ASAP2: variants seen among roughly 807,000 people sequenced by gnomAD.
The protein encoded by ASAP2 is arf-GAP with SH3 domain, ANK repeat and PH domain-containing protein 2.
A neutral mutation model predicts 131.4 loss-of-function variants in ASAP2; 45 were observed. That is an observed-to-expected ratio of 0.34 (90% CI 0.27 to 0.44). The LOEUF is 0.44. Ranked by LOEUF, ASAP2 falls within the 20% of genes least tolerant of loss-of-function variation. The pLI is 1.00. For missense variants in ASAP2, 1,011 were observed against 1,297.0 expected (o/e 0.78, Z 3.39); for synonymous variants, 510 against 503.0 (o/e 1.01, Z -0.19).
intron 25 of ASAP2, 40 bp from the exon 26 acceptor site, chr2:9,400,702 T>C: frequency 6.5e-7 from 1 of 1,530,196 alleles, no homozygotes; most frequent in Non-Finnish European, 9.1e-7. Context: ...ATGGCTGTGA[T>C]TGATGGGATG....
chr2:9,379,934 G>C (rs1674697941), intron 19 of ASAP2, among the ~76,000 whole-genome samples: 1 of 150,774 alleles, frequency 6.6e-6, no homozygotes, highest in Non-Finnish European at 1.5e-5. Flanking sequence ...GGAGGTTGCA[G>C]TGAGCTGAGA....
At chr2:9,297,514 A>G in intron 3 of ASAP2, 69 bp downstream of exon 3, 2 of 1,565,884 alleles carry the variant, frequency 1.3e-6, no homozygotes, top group East Asian at 2.3e-5. Context: ...GAGGATAGTT[A>G]TGGTTTGTTT....
intron 24 of ASAP2, among the ~76,000 whole-genome samples, chr2:9,397,750 ATTTTTTTT>A (rs1172660637): frequency 2.0e-4 from 9 of 44,804 alleles, no homozygotes; most frequent in South Asian, 1.6e-3. Context: ...ATATATATAT[ATTTTTTTT>A]TTTTTTTTTT....
At chr2:9,290,275 T>C (rs1441565337) in intron 2 of ASAP2, among the ~76,000 whole-genome samples, 1 of 152,224 alleles carries the variant, frequency 6.6e-6, no homozygotes, top group African/African-American at 2.4e-5. Flanking sequence ...AGTGGCACGA[T>C]CTCGGCTCAC....
Position 9,323,154 on chromosome 2 carries a change from C to T in ASAP2, c.504C>T (p.Ala168=). 2 of 1,614,220 alleles carry T rather than the reference C, an allele frequency of 1.2e-6. No homozygotes were observed. Among genetic ancestry groups the T allele is most frequent in the South Asian group, 1.1e-5 (1 of 91,080 alleles). The part of the protein sequence containing the change: ...TKIEKEKKEH[A]KLHGMIRTEI... ...TAGAAAAGGAGAAAAAGGAACACGC[C>T]AAGCTCCATGGGATGATTCGGACTG... The change falls in exon 6 of 28, where the codon GCC becomes GCT. Residue 168 remains alanine (A), a synonymous_variant. Coordinates refer to ENST00000281419, the MANE Select transcript of ASAP2 (RefSeq NM_003887.3).
At chr2:9,214,300 C>G (rs910724449) in intron 1 of ASAP2, among the ~76,000 whole-genome samples, 1 of 151,900 alleles carries the variant, frequency 6.6e-6, no homozygotes, top group African/African-American at 2.4e-5. Context: ...TGCAGTGGTG[C>G]GATCTCGGTT....
chr2:9,316,466 C>T (rs1162269669), intron 3 of ASAP2, among the ~76,000 whole-genome samples: 1 of 152,082 alleles, frequency 6.6e-6, no homozygotes, highest in Non-Finnish European at 1.5e-5. Flanking sequence ...GTCCCAAGTC[C>T]CTCTTCTCGT....
At chr2:9,355,067 C>A (rs1672608724) in intron 12 of ASAP2, among the ~76,000 whole-genome samples, 1 of 152,196 alleles carries the variant, frequency 6.6e-6, no homozygotes, top group South Asian at 2.1e-4. Context: ...CTGTTAACAT[C>A]TTAATACAGT....
At chr2:9,228,645 G>C (rs954814264) in intron 1 of ASAP2, among the ~76,000 whole-genome samples, 2 of 152,154 alleles carry the variant, frequency 1.3e-5, no homozygotes, top group African/African-American at 4.8e-5. Context: ...CTTTCCATCT[G>C]GCCGTCACAG....
At position 9,393,678 on chromosome 2, in the gene ASAP2, G is replaced by C. The variant is rs537690720; in HGVS notation, c.2684+31G>C. ...CCACCCCCAGCCAGCTCGGCCATCC[G>C]TGCTCCTGCCCTCTGACCTCACCTG... is the stretch of plus-strand genomic sequence containing the variant. On this transcript the variant is annotated intron_variant, in intron 24 of 27. Coordinates refer to ENST00000281419, the MANE Select transcript of ASAP2 (RefSeq NM_003887.3). 1.1e-5 allele frequency: 17 copies of C among 1,542,164 alleles called. No individual in the cohort carries two copies. In the East Asian group the frequency reaches 3.6e-4, roughly 33 times the overall value.
intron 16 of ASAP2, among the ~76,000 whole-genome samples, chr2:9,369,561 C>T (rs1673771753): frequency 6.6e-6 from 1 of 152,092 alleles, no homozygotes; most frequent in African/African-American, 2.4e-5. Flanking sequence ...CAAAGTGAAA[C>T]AGACGGAAGG....
chr2:9,334,670 T>G (rs1473496693), intron 7 of ASAP2, 68 bp from the exon 8 acceptor site: 12 of 1,471,292 alleles, frequency 8.2e-6, no homozygotes. Flanking sequence ...AAGAAGTTTT[T>G]AATCTGTCTG....
Position 9,379,071 on chromosome 2 carries a change from C to T in ASAP2, c.1948+12C>T, listed in dbSNP as rs756561213. ...CTCCATCGAGATAGGTGAGTGGGCC[C>T]GGGCCCCGGGGGTGGGCTCAGCTGC... is the stretch of plus-strand genomic sequence containing the variant. On this transcript the variant is annotated intron_variant, in intron 19 of 27. Coordinates refer to ENST00000281419, the MANE Select transcript of ASAP2 (RefSeq NM_003887.3). The T allele has an allele frequency of 8.1e-5, 122 of 1,508,230 alleles. 1 individual carries two copies. The highest frequency in any genetic ancestry group is 2.0e-4 in the South Asian group (15 of 74,504). 93.4% of individuals were successfully genotyped at this position (1,508,230 alleles called of 1,614,324 possible). A position where few individuals can be genotyped will look rare whatever the true frequency, so the allele number is the denominator to read the frequency against.
At chr2:9,270,407 TC>T (rs1160068324) in intron 1 of ASAP2, among the ~76,000 whole-genome samples, 9 of 152,140 alleles carry the variant, frequency 5.9e-5, no homozygotes, top group Non-Finnish European at 1.2e-4. Flanking sequence ...TTTTTGTTGC[TC>T]TAAGATTTCA....
At chr2:9,380,657 C>A (rs1015142755) in intron 19 of ASAP2, 84 bp from the exon 20 acceptor site, 2 of 1,294,196 alleles carry the variant, frequency 1.5e-6, no homozygotes, top group African/African-American at 2.9e-5. Context: ...TGCTGCCTTT[C>A]TGTTCCTTTT....
In ASAP2 at chr2:9,397,737, T is replaced by G. The variant is rs1558403233; in HGVS notation, c.2685-2286T>G. ...AAAAAAAATCAAAAGGATATATATA[T>G]ATATATATATATATTTTTTTTTTTT... On this transcript the variant is annotated intron_variant, in intron 24 of 27. Transcript: ENST00000281419. Among the ~76,000 whole-genome samples the G allele has an allele frequency of 1.1e-4, 10 of 89,944 alleles. 1 individual carries two copies. Among genetic ancestry groups the G allele is most frequent in the African/African-American group, 6.9e-4 (8 of 11,628 alleles). 59.0% of individuals were successfully genotyped at this position (89,944 alleles called of 152,430 possible).
intron 2 of ASAP2, 148 bp downstream of exon 2, chr2:9,279,537 C>G (rs1329347750): frequency 2.3e-5 from 17 of 745,562 alleles, no homozygotes; most frequent in Non-Finnish European, 3.8e-5. Context: ...TGGGATGTTT[C>G]TTTTTCAGAA....
intron 25 of ASAP2, among the ~76,000 whole-genome samples, chr2:9,400,457 A>ATCCTCCC (rs1287204986): frequency 9.2e-6 from 1 of 109,266 alleles, no homozygotes; most frequent in African/African-American, 3.6e-5. Context: ...CCCTCCTGCC[A>ATCCTCCC]TCCTCCCTCC....
At chr2:9,307,766 T>C (rs1270224662) in intron 3 of ASAP2, among the ~76,000 whole-genome samples, 1 of 152,182 alleles carries the variant, frequency 6.6e-6, no homozygotes, top group Non-Finnish European at 1.5e-5. Flanking sequence ...GCCAATGTGT[T>C]TTTGGCAGCT....
Sources: gnomAD v4.1 joint callset for allele counts (sites outside exome capture counted in the v4.1 genomes callset) on GRCh38, gnomAD v4.1.1 for gene constraint, MANE v1.5 for transcripts, NCBI Gene and HGNC (gene_info 2026-07-23, HGNC 2026-07-21) for gene names.